The following CCNY variants were observed in gnomAD, a reference collection of about 807,000 sequenced individuals.
CCNY encodes cyclin-Y.
CCNY carries 19 observed loss-of-function variants against 42.8 expected under a neutral mutation model. The ratio of observed to expected loss-of-function variants is 0.44; its 90% confidence interval spans 0.31 to 0.65. CCNY has a LOEUF of 0.65. CCNY is among the 30% of genes least tolerant of loss of function. CCNY has a pLI of 0.07. For missense variants in CCNY, 370 were observed against 437.3 expected, an observed-to-expected ratio of 0.85 and a Z score of 1.37; for synonymous variants, 165 against 162.7, an observed-to-expected ratio of 1.01 and a Z score of -0.11.
At position 35,286,398 on chromosome 10, in the gene CCNY, G is replaced by A. The variant is rs1051155347; in HGVS notation, c.-9+35772G>A. Among the ~76,000 whole-genome samples the A allele has an allele frequency of 6.1e-5, 9 of 146,394 alleles. No individual in the cohort carries two copies. In the South Asian group the frequency reaches 8.6e-4, roughly 14 times the overall value. On this transcript the variant is annotated intron_variant, in intron 3 of 11. Transcript: ENST00000374706. Reference sequence around the variant, plus strand: ...TTTTGAGATGGAGTCTCACTCTGTCGCCCAGGCTGGAGTCCAGTGTCATGA... The same window carrying A: ...TTTTGAGATGGAGTCTCACTCTGTCACCCAGGCTGGAGTCCAGTGTCATGA...
chr10:35,445,124 A>G (rs1838762544), intron 1 of CCNY, among the ~76,000 whole-genome samples: 1 of 152,240 alleles, frequency 6.6e-6, no homozygotes, highest in Non-Finnish European at 1.5e-5. Flanking sequence ...GGTGGTTGGC[A>G]CTGTAGGTCT....
chr10:35,498,305 T>C (rs997171174), intron 2 of CCNY, among the ~76,000 whole-genome samples: 2 of 152,088 alleles, frequency 1.3e-5, no homozygotes, highest in African/African-American at 2.4e-5. Context: ...ATAGAGCATA[T>C]TGTTTGTGCA....
At chr10:35,418,089 A>G (rs1303318370) in intron 1 of CCNY, among the ~76,000 whole-genome samples, 2 of 152,252 alleles carry the variant, frequency 1.3e-5, no homozygotes, top group Admixed American at 6.5e-5. Context: ...GCTGCAAAGT[A>G]GAAACTGAAT....
intron 1 of CCNY, among the ~76,000 whole-genome samples, chr10:35,387,287 C>T (rs1327357266): frequency 6.6e-6 from 1 of 152,140 alleles, no homozygotes; most frequent in Non-Finnish European, 1.5e-5. Context: ...AGTTCCTTCC[C>T]CATGTAGCTT....
rs761589359 is a variant in CCNY at position 35,571,369 on chromosome 10, C to T, written c.*2199C>T. The T allele has an allele frequency of 1.3e-5, 2 of 152,256 alleles. No homozygotes were observed. The highest frequency in any genetic ancestry group is 2.4e-5 in the African/African-American group (1 of 41,430). 9.4% of individuals were successfully genotyped at this position (152,256 alleles called of 1,614,324 possible). ...GTATGTATGTACATACAGTCTGATA[C>T]CTAAAATTTAAAGTGGATTCCATAA... On this transcript the variant is annotated 3_prime_UTR_variant, in exon 10 of 10. Transcript: ENST00000374704.
intron 8 of CCNY, among the ~76,000 whole-genome samples, chr10:35,562,455 T>C (rs1165251128): frequency 6.6e-6 from 1 of 152,240 alleles, no homozygotes; most frequent in Non-Finnish European, 1.5e-5. Flanking sequence ...CTCCCCCTGT[T>C]AAACACTAAC....
chr10:35,570,760 GAAA>G lies in CCNY; in HGVS notation c.*1591_*1593del, dbSNP rs1841670749. 2.6e-5 allele frequency: 4 copies of G among 152,264 alleles called. No homozygotes were observed. The South Asian group carries it at 8.3e-4, about 32-fold the overall frequency. 9.4% of individuals were successfully genotyped at this position (152,264 alleles called of 1,614,324 possible). ...TCCCCAAACATTGCCTGCTCTCAATGAAACATGCTTTGGAAATGGAAGGGACTC... is the reference window on the plus strand; with the variant it reads ...TCCCCAAACATTGCCTGCTCTCAATGCATGCTTTGGAAATGGAAGGGACTC... On this transcript the variant is annotated 3_prime_UTR_variant, in exon 10 of 10. Transcript: ENST00000374704.
At chr10:35,491,628 A>G (rs1055300203) in intron 2 of CCNY, among the ~76,000 whole-genome samples, 3 of 151,724 alleles carry the variant, frequency 2.0e-5, no homozygotes, top group Non-Finnish European at 2.9e-5. Flanking sequence ...TTATTTATTT[A>G]TTTATTTTTT....
chr10:35,532,399 C>T (rs1227848507), intron 7 of CCNY, among the ~76,000 whole-genome samples: 3 of 152,216 alleles, frequency 2.0e-5, no homozygotes, highest in African/African-American at 7.2e-5. Flanking sequence ...TAGCCCTGGC[C>T]GTGCTTCCCA....
At chr10:35,478,906 A>T (rs987438382) in intron 1 of CCNY, among the ~76,000 whole-genome samples, 28 of 152,240 alleles carry the variant, frequency 1.8e-4, no homozygotes, top group African/African-American at 6.8e-4. Context: ...AACTCAAACA[A>T]ATTTACAAGA....
At chr10:35,553,304 C>A in intron 8 of CCNY, 119 bp downstream of exon 8, 1 of 904,754 alleles carries the variant, frequency 1.1e-6, no homozygotes, top group South Asian at 2.3e-5. Flanking sequence ...GACTGAATGT[C>A]TGTTGTGAGC....
chr10:35,442,414 G>A (rs1838691104), intron 1 of CCNY, among the ~76,000 whole-genome samples: 1 of 152,210 alleles, frequency 6.6e-6, no homozygotes, highest in Admixed American at 6.5e-5. Context: ...GGGAGAGATG[G>A]CTTTATAATT....
At chr10:35,423,534 G>A (rs779788679) in intron 1 of CCNY, among the ~76,000 whole-genome samples, 3 of 150,544 alleles carry the variant, frequency 2.0e-5, no homozygotes, top group East Asian at 1.9e-4. Context: ...GTGGGGAGAC[G>A]TACATTGAGG....
At chr10:35,379,372 G>C (rs746371824) in intron 1 of CCNY, among the ~76,000 whole-genome samples, 1 of 152,214 alleles carries the variant, frequency 6.6e-6, no homozygotes, top group Admixed American at 6.5e-5. Flanking sequence ...TTGCCCAGAT[G>C]GGGGCAGAAG....
At chr10:35,425,020 C>G (rs950131797) in intron 1 of CCNY, among the ~76,000 whole-genome samples, 3 of 152,190 alleles carry the variant, frequency 2.0e-5, no homozygotes, top group African/African-American at 4.8e-5. Flanking sequence ...CAAAGAGGTC[C>G]TGCTGCTGTG....
intron 3 of CCNY, among the ~76,000 whole-genome samples, chr10:35,252,914 A>G (rs1050389186): frequency 5.9e-4 from 90 of 152,236 alleles, no homozygotes; most frequent in Non-Finnish European, 2.6e-4. Flanking sequence ...GTGGTCGCAG[A>G]AAGTCCTCAT....
At chr10:35,362,813 C>T (rs1836716141) in intron 1 of CCNY, among the ~76,000 whole-genome samples, 1 of 150,968 alleles carries the variant, frequency 6.6e-6, no homozygotes. Context: ...CCTCACTCCC[C>T]AGATAGTTGG....
chr10:35,414,979 A>G (rs1487521328), intron 1 of CCNY, among the ~76,000 whole-genome samples: 1 of 152,228 alleles, frequency 6.6e-6, no homozygotes, highest in Non-Finnish European at 1.5e-5. Flanking sequence ...AGAAGAGACA[A>G]GGACCCAGGA....
At chr10:35,340,927 C>G (rs1269233183) in intron 1 of CCNY, among the ~76,000 whole-genome samples, 2 of 152,188 alleles carry the variant, frequency 1.3e-5, no homozygotes, top group Non-Finnish European at 2.9e-5. Context: ...TTTGACCACT[C>G]TCAAGACCTC....
Sources: allele counts gnomAD v4.1 joint callset (sites outside exome capture counted in the v4.1 genomes callset), GRCh38; gene constraint gnomAD v4.1.1; transcripts MANE v1.5; gene names NCBI Gene and HGNC (gene_info 2026-07-23, HGNC 2026-07-21).